The following KLHL42 variants were observed in gnomAD, a reference collection of about 807,000 sequenced individuals.
KLHL42 encodes the protein kelch like family member 42, also known as kelch-like protein 42.
A neutral mutation model predicts 32.7 loss-of-function variants in KLHL42; 27 were observed. The ratio of observed to expected loss-of-function variants is 0.83; its 90% confidence interval spans 0.61 to 1.14. The LOEUF (loss-of-function observed/expected upper bound fraction) is 1.14, where lower values mean the gene tolerates loss of function less well. Among genes scored for constraint, KLHL42 ranks in the 50% most tolerant of loss-of-function variants. The pLI is 0.00. For missense variants in KLHL42, 491 were observed against 560.8 expected (o/e 0.88, Z 1.26); for synonymous variants, 267 against 248.2 (o/e 1.08, Z -0.71).
In KLHL42 at chr12:27,780,510, G is replaced by T; in HGVS notation, c.180G>T (p.Pro60=). 6.5e-7 allele frequency: 1 copy of T among 1,540,784 alleles called. No homozygotes were observed. Among genetic ancestry groups the T allele is most frequent in the South Asian group, 1.2e-5 (1 of 82,768 alleles). ...EVQQLRGLSA[P]GLRLVLDFIN... The stretch of plus-strand genomic sequence containing the variant: ...AGCAGCTGCGCGGCCTCAGCGCGCC[G>T]GGCCTGCGGCTGGTGCTGGACTTCA... Residue 60 remains proline, a synonymous_variant, in exon 1 of 3, where the codon CCG becomes CCT. Transcript: ENST00000381271. The surrounding 1 kb of genome is among the most constrained non-coding windows in gnomAD (Gnocchi z 8.8).
In KLHL42 at chr12:27,797,912, A is replaced by G; in HGVS notation, c.1264A>G (p.Asn422Asp). 1 of 780,936 alleles carries G rather than the reference A, an allele frequency of 1.3e-6. No individual in the cohort carries two copies. Among genetic ancestry groups the G allele is most frequent in the Non-Finnish European group, 2.4e-6 (1 of 418,116 alleles). The allele number at this position is 780,936 out of a possible 1,614,324, so 48.4% of individuals were successfully genotyped here. The change falls in exon 3 of 3, where the codon AAC becomes GAC. Residue 422 changes from asparagine (N) to aspartate (D), a missense_variant. Asn to Asp is a conservative substitution (Grantham distance 23, BLOSUM62 1). Coordinates refer to ENST00000381271, the MANE Select transcript of KLHL42 (RefSeq NM_020782.2). ...SEDMLTVQSY[N>D]TVTRQWLYLK... is the part of the protein sequence containing the mutation. Reference sequence around the variant, plus strand: ...GGACATGCTCACCGTGCAGTCCTACAACACCGTCACCCGCCAGTGGCTCTA... The same window carrying G: ...GGACATGCTCACCGTGCAGTCCTACGACACCGTCACCCGCCAGTGGCTCTA...
chr12:27,797,466 C>CT lies in KLHL42; in HGVS notation c.1067-244dup. The CT allele has an allele frequency of 5.6e-5, 31 of 553,512 alleles. No homozygotes were observed. The South Asian group carries it at 5.9e-4, about 11-fold the overall frequency. The allele number at this position is 553,512 out of a possible 1,614,324, so 34.3% of individuals were successfully genotyped here. ...GGGCTGTGTGAAAGTCAGAGCTGCG[C>CT]TTTTTCCTGGTTTTATCCAGTCTGA... On this transcript the variant is annotated intron_variant, in intron 2 of 2. Transcript: ENST00000381271.
In KLHL42 at chr12:27,799,995, G is replaced by A. The variant is rs910289246; in HGVS notation, c.*1829G>A. ...ATTTTAATGTTAATTTATATTCATT[G>A]TAGAATTGAATTTCCAGTGACCTGT... On this transcript the variant is annotated 3_prime_UTR_variant, in exon 3 of 3. Coordinates refer to ENST00000381271, the MANE Select transcript of KLHL42 (RefSeq NM_020782.2). 8 of 885,534 alleles carry A rather than the reference G, an allele frequency of 9.0e-6. No homozygotes were observed. In the Admixed American group the frequency reaches 5.0e-4, roughly 55 times the overall value. 54.9% of individuals were successfully genotyped at this position (885,534 alleles called of 1,614,324 possible). A position where few individuals can be genotyped will look rare whatever the true frequency, so the allele number is the denominator to read the frequency against.
Position 27,780,402 on chromosome 12 carries a change from C to A in KLHL42, c.72C>A (p.Ile24=). Residue 24 remains isoleucine, a synonymous_variant, in exon 1 of 3, where the codon ATC becomes ATA. Coordinates refer to ENST00000381271, the MANE Select transcript of KLHL42 (RefSeq NM_020782.2). The surrounding 1 kb of genome is among the most constrained non-coding windows in gnomAD (Gnocchi z 8.8). ...ACCCGGTGAGCAAGAGGAAGCTCAT[C>A]GAGCAGAGCGACTACTTCCGCGCCC... ...RCYPVSKRKL[I]EQSDYFRALY... is the part of the protein sequence containing the mutation. The A allele has an allele frequency of 1.3e-6, 2 of 1,569,118 alleles. No homozygotes were observed. The highest frequency in any genetic ancestry group is 2.4e-5 in the East Asian group (1 of 41,730).
rs751896082 is a variant in KLHL42 at position 27,800,372 on chromosome 12, G to GTGTGTGTA, written c.*2207_*2208insGTGTGTAT. 2,236 of 984,220 alleles carry GTGTGTGTA rather than the reference G, an allele frequency of 2.3e-3. 32 individuals are homozygous for GTGTGTGTA. The African/African-American group carries it at 0.034, about 15-fold the overall frequency. 61.0% of individuals were successfully genotyped at this position (984,220 alleles called of 1,614,324 possible). ...TGGGGGTGTGTGTGTGTGTGTGTGT[G>GTGTGTGTA]TATGTTTGCATATTATAGCTCTCTT... On this transcript the variant is annotated 3_prime_UTR_variant, in exon 3 of 3. Coordinates refer to ENST00000381271, the MANE Select transcript of KLHL42 (RefSeq NM_020782.2).
At chr12:27,795,626 G>GA (rs1429574741) in intron 2 of KLHL42, among the ~76,000 whole-genome samples, 1 of 32,742 alleles carries the variant, frequency 3.1e-5, no homozygotes, top group Non-Finnish European at 9.5e-5. Context: ...TGATTGTTAG[G>GA]AAAAAAAGAA....
At chr12:27,790,862 T>G (rs891423132) in intron 1 of KLHL42, among the ~76,000 whole-genome samples, 1 of 152,228 alleles carries the variant, frequency 6.6e-6, no homozygotes, top group East Asian at 1.9e-4. Context: ...TTGGACAACA[T>G]AGTGAGATGC....
chr12:27,795,827 T>C (rs1211461369), intron 2 of KLHL42, among the ~76,000 whole-genome samples: 1 of 152,168 alleles, frequency 6.6e-6, no homozygotes, highest in Non-Finnish European at 1.5e-5. Context: ...AACTTCAGAA[T>C]CAACTTTAAA....
chr12:27,792,685 G>A (rs1416824576), intron 2 of KLHL42, among the ~76,000 whole-genome samples: 2 of 151,806 alleles, frequency 1.3e-5, no homozygotes, highest in Admixed American at 6.6e-5. Context: ...ACCATGCCCC[G>A]CTAATTTTTG....
intron 1 of KLHL42, among the ~76,000 whole-genome samples, chr12:27,790,780 T>C (rs2062192783): frequency 6.6e-6 from 1 of 152,176 alleles, no homozygotes; most frequent in Non-Finnish European, 1.5e-5. Flanking sequence ...TGTGGTGTCT[T>C]ATAACTATAA....
At chr12:27,794,120 G>A (rs553182104) in intron 2 of KLHL42, among the ~76,000 whole-genome samples, 1 of 152,344 alleles carries the variant, frequency 6.6e-6, no homozygotes, top group East Asian at 1.9e-4. Context: ...TGGGAGGTGT[G>A]TTAGTTTCCT....
rs753195539 is a variant in KLHL42 at position 27,780,751 on chromosome 12, G to A, written c.421G>A (p.Gly141Arg). Residue 141 changes from glycine (G) to arginine (R), a missense_variant, in exon 1 of 3, where the codon GGG (glycine) becomes AGG (arginine). By Grantham distance (125) the Gly-to-Arg change is moderately radical. Around this residue, in one of 4 missense-constraint regions of KLHL42, gnomAD observed 248 missense variants for 329.2 expected, o/e 0.75. Coordinates refer to ENST00000381271, the MANE Select transcript of KLHL42 (RefSeq NM_020782.2). This position sits in a 1 kb window ranked among gnomAD's most constrained non-coding sequence, Gnocchi z 8.8. ...GATGTACCGCCTGGCGCAGGTGTAC[G>A]GGCTGCCCGACCTGCAGGAGGCCTG... ...LEMYRLAQVY[G>R]LPDLQEACLR... 1 of 1,613,352 alleles carries A rather than the reference G, an allele frequency of 6.2e-7. No individual in the cohort carries two copies. The highest frequency in any genetic ancestry group is 8.5e-7 in the Non-Finnish European group (1 of 1,179,996).
chr12:27,789,139 G>A (rs1411436457), intron 1 of KLHL42, among the ~76,000 whole-genome samples: 1 of 152,206 alleles, frequency 6.6e-6, no homozygotes, highest in Non-Finnish European at 1.5e-5. Context: ...AGGACACCCA[G>A]AGAAGCACTC....
chr12:27,781,337 G>A, intron 1 of KLHL42, 135 bp downstream of exon 1: 2 of 1,130,424 alleles, frequency 1.8e-6, no homozygotes, highest in Non-Finnish European at 2.5e-6. Flanking sequence ...GAATGTTGTT[G>A]GCCTTGGCGC....
intron 2 of KLHL42, chr12:27,797,207 G>T (rs567205578): frequency 1.1e-4 from 49 of 455,946 alleles, no homozygotes; most frequent in South Asian, 7.6e-4. Flanking sequence ...AGACTTTGCT[G>T]CCTTTCTCCT....
chr12:27,784,143 T>A (rs2347222), intron 1 of KLHL42, among the ~76,000 whole-genome samples: 1 of 150,882 alleles, frequency 6.6e-6, no homozygotes, highest in East Asian at 1.9e-4. Context: ...GTTTTTGTTT[T>A]TTTTTTTTGG....
intron 2 of KLHL42, chr12:27,792,228 G>A: frequency 5.2e-6 from 1 of 192,566 alleles, no homozygotes; most frequent in Non-Finnish European, 1.1e-5. Context: ...GTTTGTGGGG[G>A]TCGCTCTCTG....
chr12:27,801,659 A>G lies in KLHL42; in HGVS notation c.*3493A>G, dbSNP rs1467546764. On this transcript the variant is annotated 3_prime_UTR_variant, in exon 3 of 3. Transcript: ENST00000381271. The stretch of plus-strand genomic sequence containing the variant: ...CCTCTGTGCCAGGATTTGGTCTTAG[A>G]ATCCATGTCAGATTGGTGCTTCCAG... 1 of 152,236 alleles carries G rather than the reference A, an allele frequency of 6.6e-6. No homozygotes were observed. The highest frequency in any genetic ancestry group is 1.5e-5 in the Non-Finnish European group (1 of 68,050). The allele number at this position is 152,236 out of a possible 1,614,324, so 9.4% of individuals were successfully genotyped here. A position where few individuals can be genotyped will look rare whatever the true frequency, so the allele number is the denominator to read the frequency against.
At chr12:27,785,769 GT>G (rs1178273174) in intron 1 of KLHL42, among the ~76,000 whole-genome samples, 1 of 152,060 alleles carries the variant, frequency 6.6e-6, no homozygotes, top group Non-Finnish European at 1.5e-5. Flanking sequence ...CTAACAAGAT[GT>G]CCAATAATAA....
Sources: allele counts gnomAD v4.1 joint callset (sites outside exome capture counted in the v4.1 genomes callset), GRCh38; gene constraint gnomAD v4.1.1; regional missense constraint gnomAD v4.1.1; non-coding constraint Gnocchi (gnomAD v3.1); transcripts MANE v1.5; gene names NCBI Gene and HGNC (gene_info 2026-07-23, HGNC 2026-07-21).